The following EPHA6 variants were observed in gnomAD, a reference collection of about 807,000 sequenced individuals.
The protein encoded by EPHA6 is ephrin type-A receptor 6.
A neutral mutation model predicts 112.0 loss-of-function variants in EPHA6; 50 were observed. The observed-to-expected ratio is 0.45, with a 90% CI of 0.36 to 0.56. The LOEUF (loss-of-function observed/expected upper bound fraction) is 0.56, where lower values mean the gene tolerates loss of function less well. Among genes scored for constraint, EPHA6 ranks in the 20% least tolerant of loss-of-function variants. The pLI is 0.00. For synonymous variants in EPHA6, 529 were observed against 490.7 expected (o/e 1.08, Z -1.03); for missense variants, 1,280 against 1,417.4 (o/e 0.90, Z 1.56).
chr3:97,140,589 T>C (rs2075875304), intron 3 of EPHA6, among the ~76,000 whole-genome samples: 2 of 152,068 alleles, frequency 1.3e-5, no homozygotes, highest in African/African-American at 4.8e-5. Context: ...ATGAGCTTCA[T>C]AAATGGAAGA....
intron 5 of EPHA6, among the ~76,000 whole-genome samples, chr3:97,390,295 A>T (rs143155505): frequency 6.6e-6 from 1 of 152,150 alleles, no homozygotes; most frequent in East Asian, 1.9e-4. Context: ...CATTCTGGTG[A>T]ACTGGCAGGA....
chr3:97,349,139 C>T (rs1451929929), intron 5 of EPHA6, among the ~76,000 whole-genome samples: 1 of 151,892 alleles, frequency 6.6e-6, no homozygotes, highest in Non-Finnish European at 1.5e-5. Flanking sequence ...GTATCAATTT[C>T]CACACATTAT....
intron 2 of EPHA6, among the ~76,000 whole-genome samples, chr3:96,874,261 C>G (rs779719913): frequency 9.9e-5 from 15 of 152,064 alleles, no homozygotes; most frequent in East Asian, 3.9e-4. Flanking sequence ...GCTTAATAAT[C>G]AAACTAAGGA....
intron 6 of EPHA6, among the ~76,000 whole-genome samples, chr3:97,429,526 T>C (rs2089367420): frequency 6.6e-6 from 1 of 152,128 alleles, no homozygotes; most frequent in Non-Finnish European, 1.5e-5. Flanking sequence ...ATGGTTTTAT[T>C]TCTTATCTGT....
intron 3 of EPHA6, among the ~76,000 whole-genome samples, chr3:97,181,207 G>A (rs561702156): frequency 6.6e-6 from 1 of 152,108 alleles, no homozygotes; most frequent in Non-Finnish European, 1.5e-5. Context: ...CCAGTGTCCA[G>A]ATATGCTCTC....
intron 11 of EPHA6, among the ~76,000 whole-genome samples, chr3:97,542,623 GTGGGTCAAA>G (rs2092878184): frequency 6.6e-6 from 1 of 152,100 alleles, no homozygotes; most frequent in South Asian, 2.1e-4. Flanking sequence ...AATGGGATTC[GTGGGTCAAA>G]TGGTATTTCT....
At chr3:97,375,237 G>T (rs2108997295) in intron 5 of EPHA6, among the ~76,000 whole-genome samples, 1 of 152,206 alleles carries the variant, frequency 6.6e-6, no homozygotes, top group East Asian at 1.9e-4. Context: ...AGGGAAGGGT[G>T]TTTTCAGAAA....
intron 5 of EPHA6, among the ~76,000 whole-genome samples, chr3:97,330,941 A>G (rs939377467): frequency 6.6e-6 from 1 of 152,162 alleles, no homozygotes; most frequent in Non-Finnish European, 1.5e-5. Context: ...AACAGAATAT[A>G]CATTCTTTTC....
At chr3:97,493,288 C>T (rs2091898550) in intron 10 of EPHA6, among the ~76,000 whole-genome samples, 1 of 151,536 alleles carries the variant, frequency 6.6e-6, no homozygotes, top group Admixed American at 6.6e-5. Flanking sequence ...TAGTCAGCTT[C>T]ACTGTCATAA....
intron 1 of EPHA6, among the ~76,000 whole-genome samples, chr3:96,843,737 A>C (rs1487345852): frequency 1.3e-5 from 2 of 152,060 alleles, no homozygotes; most frequent in African/African-American, 2.4e-5. Flanking sequence ...ACTTGAGGGT[A>C]TATGGATTAT....
At chr3:97,665,106 G>A (rs1260580739) in intron 14 of EPHA6, among the ~76,000 whole-genome samples, 1 of 152,152 alleles carries the variant, frequency 6.6e-6, no homozygotes, top group East Asian at 1.9e-4. Context: ...GCATGGTACT[G>A]GTACCAAAAC....
intron 3 of EPHA6, among the ~76,000 whole-genome samples, chr3:97,136,197 T>G (rs555025508): frequency 6.6e-6 from 1 of 152,188 alleles, no homozygotes; most frequent in Non-Finnish European, 1.5e-5. Context: ...CAAGTAACAA[T>G]AATTAATGGA....
chr3:97,481,515 G>C (rs1053504677), intron 9 of EPHA6: 7 of 968,008 alleles, frequency 7.2e-6, no homozygotes, highest in Admixed American at 3.5e-5. Flanking sequence ...CCTCCGGCGC[G>C]GGGCTAAGTG....
chr3:96,942,062 G>T (rs28849681), intron 2 of EPHA6, among the ~76,000 whole-genome samples: 7,230 of 152,302 alleles, frequency 0.047, 504 homozygotes, highest in African/African-American at 0.15. Context: ...TCGGGGGTCA[G>T]GGACCCACTT....
chr3:97,407,169 T>G (rs2087404290), intron 6 of EPHA6, among the ~76,000 whole-genome samples: 1 of 152,060 alleles, frequency 6.6e-6, no homozygotes, highest in Admixed American at 6.6e-5. Flanking sequence ...AATCAAAATT[T>G]TATAAATTAA....
intron 3 of EPHA6, among the ~76,000 whole-genome samples, chr3:97,040,428 G>T (rs1294825671): frequency 6.6e-6 from 1 of 151,960 alleles, no homozygotes; most frequent in Non-Finnish European, 1.5e-5. Flanking sequence ...ATCAAAATCG[G>T]TTTTAAAAGT....
chr3:97,459,933 G>A (rs1487901122), intron 7 of EPHA6, among the ~76,000 whole-genome samples: 2 of 152,184 alleles, frequency 1.3e-5, no homozygotes, highest in Non-Finnish European at 2.9e-5. Flanking sequence ...AGTAAATTAT[G>A]ACCTGCTCAC....
chr3:97,538,900 A>G (rs1269040111), intron 11 of EPHA6, among the ~76,000 whole-genome samples: 2 of 152,094 alleles, frequency 1.3e-5, no homozygotes, highest in Non-Finnish European at 2.9e-5. Flanking sequence ...TTAAATTCCA[A>G]ATGTTCAGCA....
chr3:97,536,306 C>T (rs1252180164), intron 11 of EPHA6, among the ~76,000 whole-genome samples: 4 of 152,100 alleles, frequency 2.6e-5, no homozygotes, highest in Admixed American at 6.6e-5. Context: ...AACCACACTT[C>T]AGAATACTGG....
Sources: gnomAD v4.1 joint callset for allele counts (sites outside exome capture counted in the v4.1 genomes callset) on GRCh38, gnomAD v4.1.1 for gene constraint, MANE v1.5 for transcripts, NCBI Gene and HGNC (gene_info 2026-07-23, HGNC 2026-07-21) for gene names.